The following PTPRD variants were observed in gnomAD, a reference collection of about 807,000 sequenced individuals.
PTPRD encodes receptor-type tyrosine-protein phosphatase delta.
In PTPRD, 34 loss-of-function variants were observed where a neutral mutation model predicts 214.5. The ratio of observed to expected loss-of-function variants is 0.16; its 90% CI spans 0.12 to 0.21. The LOEUF is 0.21. PTPRD is among the 10% of genes least tolerant of loss of function. PTPRD has a pLI of 1.00. For synonymous variants in PTPRD, 1,128 were observed against 845.7 expected (o/e 1.33, Z -5.79); for missense variants, 2,545 against 2,398.7 (o/e 1.06, Z -1.27).
chr9:8,516,886 C>T (rs778905146), intron 21 of PTPRD, among the ~76,000 whole-genome samples: 3 of 138,574 alleles, frequency 2.2e-5, no homozygotes, highest in Non-Finnish European at 3.0e-5. Context: ...TCACTGCAAA[C>T]TTGCAAACTC....
At chr9:8,658,797 A>G (rs954597099) in intron 12 of PTPRD, among the ~76,000 whole-genome samples, 1 of 152,110 alleles carries the variant, frequency 6.6e-6, no homozygotes, top group Non-Finnish European at 1.5e-5. Flanking sequence ...ACCATTGTAG[A>G]GTATTTCCTT....
intron 39 of PTPRD, among the ~76,000 whole-genome samples, chr9:8,374,508 T>C (rs932051504): frequency 6.6e-6 from 1 of 152,018 alleles, no homozygotes; most frequent in Non-Finnish European, 1.5e-5. Context: ...GAGTGGCCAG[T>C]CCTCAAAGGA....
chr9:9,969,386 C>T (rs1194388129), intron 4 of PTPRD, among the ~76,000 whole-genome samples: 1 of 152,030 alleles, frequency 6.6e-6, no homozygotes, highest in East Asian at 1.9e-4. Context: ...CAATAGGGTA[C>T]CCTTGAAAGG....
At chr9:10,316,986 A>AAG (rs1265487870) in intron 3 of PTPRD, among the ~76,000 whole-genome samples, 1 of 151,910 alleles carries the variant, frequency 6.6e-6, no homozygotes, top group Non-Finnish European at 1.5e-5. Flanking sequence ...AAAAAACAAA[A>AAG]CATGCATGCA....
chr9:10,511,807 A>G (rs1396598783), intron 2 of PTPRD, among the ~76,000 whole-genome samples: 1 of 145,916 alleles, frequency 6.9e-6, no homozygotes, highest in Non-Finnish European at 1.5e-5. Flanking sequence ...CCTTTACTCA[A>G]CTTCTCCATA....
chr9:9,941,204 C>A (rs910718800), intron 4 of PTPRD, among the ~76,000 whole-genome samples: 2 of 152,180 alleles, frequency 1.3e-5, no homozygotes, highest in Non-Finnish European at 2.9e-5. Context: ...TGATTTAGAT[C>A]ATGCCTGGCT....
chr9:9,949,082 C>A (rs2093153303), intron 4 of PTPRD, among the ~76,000 whole-genome samples: 1 of 151,918 alleles, frequency 6.6e-6, no homozygotes, highest in Admixed American at 6.6e-5. Flanking sequence ...GTTCATATGT[C>A]TCAAAATCAG....
chr9:9,248,210 A>G (rs1446835957), intron 9 of PTPRD, among the ~76,000 whole-genome samples: 1 of 151,960 alleles, frequency 6.6e-6, no homozygotes, highest in African/African-American at 2.4e-5. Flanking sequence ...CTCCTGCCTA[A>G]GCCTCCCGAG....
intron 2 of PTPRD, among the ~76,000 whole-genome samples, chr9:10,544,662 T>C (rs927938737): frequency 1.3e-5 from 2 of 152,170 alleles, no homozygotes; most frequent in African/African-American, 4.8e-5. Flanking sequence ...AGACAATCAT[T>C]TTAAAGATTT....
chr9:8,363,438 G>T (rs1285433337), intron 39 of PTPRD, among the ~76,000 whole-genome samples: 1 of 152,018 alleles, frequency 6.6e-6, no homozygotes, highest in Non-Finnish European at 1.5e-5. Context: ...GGATTCAAGA[G>T]GAAAAAGCAA....
At chr9:9,991,360 CTTTT>C (rs35294285) in intron 4 of PTPRD, among the ~76,000 whole-genome samples, 1 of 149,982 alleles carries the variant, frequency 6.7e-6, no homozygotes, top group African/African-American at 2.5e-5. Flanking sequence ...TCAAAATATA[CTTTT>C]TTTTTTCTTT....
chr9:9,003,520 C>T (rs1306220776), intron 11 of PTPRD, among the ~76,000 whole-genome samples: 1 of 151,986 alleles, frequency 6.6e-6, no homozygotes, highest in Non-Finnish European at 1.5e-5. Flanking sequence ...TAAGACATGA[C>T]TGGTCTATGA....
In PTPRD at chr9:9,778,484, G is replaced by A. The variant is rs563370006; in HGVS notation, c.-367-11633C>T. ...AGACGCCCATCCCCGGGAACTCCCC[G>A]ATTCCCGGAGGCATTGTTCTCAGCT... On this transcript the variant is annotated intron_variant, in intron 5 of 45. Coordinates refer to ENST00000381196, the MANE Select transcript of PTPRD (RefSeq NM_002839.4). Among the ~76,000 whole-genome samples the A allele has an allele frequency of 5.1e-4, 78 of 152,240 alleles. No individual in the cohort carries two copies. In the South Asian group the frequency reaches 0.012, roughly 23 times the overall value.
intron 3 of PTPRD, among the ~76,000 whole-genome samples, chr9:10,259,494 A>C (rs1409887015): frequency 6.6e-6 from 1 of 152,134 alleles, no homozygotes; most frequent in East Asian, 1.9e-4. Flanking sequence ...GACTTAAGAA[A>C]TCCTCCAAAT....
intron 2 of PTPRD, among the ~76,000 whole-genome samples, chr9:10,514,116 A>T (rs1485812171): frequency 6.6e-6 from 1 of 152,190 alleles, no homozygotes; most frequent in African/African-American, 2.4e-5. Flanking sequence ...GGAACAAGTG[A>T]GTAAAGGTCA....
intron 8 of PTPRD, among the ~76,000 whole-genome samples, chr9:9,496,589 A>G (rs1378831433): frequency 1.3e-5 from 2 of 152,180 alleles, no homozygotes; most frequent in African/African-American, 4.8e-5. Flanking sequence ...AAACAAACAA[A>G]AAAGAGAATA....
chr9:9,728,587 G>A (rs1193679893), intron 7 of PTPRD, among the ~76,000 whole-genome samples: 1 of 152,096 alleles, frequency 6.6e-6, no homozygotes, highest in African/African-American at 2.4e-5. Context: ...GGAAGCAGGT[G>A]GTGATTCAGG....
chr9:10,556,188 G>A (rs1442254274), intron 2 of PTPRD, among the ~76,000 whole-genome samples: 1 of 151,812 alleles, frequency 6.6e-6, no homozygotes, highest in Admixed American at 6.6e-5. Flanking sequence ...CAAAAAATAG[G>A]ACTGATCTAA....
intron 3 of PTPRD, among the ~76,000 whole-genome samples, chr9:10,252,729 T>C (rs1036024350): frequency 6.6e-6 from 1 of 152,150 alleles, no homozygotes; most frequent in African/African-American, 2.4e-5. Context: ...CCAAATTAAA[T>C]ATATTTCAGA....
Sources: allele counts gnomAD v4.1 joint callset (sites outside exome capture counted in the v4.1 genomes callset), GRCh38; gene constraint gnomAD v4.1.1; transcripts MANE v1.5; gene names NCBI Gene and HGNC (gene_info 2026-07-23, HGNC 2026-07-21).